ZMYND11: variants seen among roughly 807,000 people sequenced by gnomAD.
ZMYND11 encodes zinc finger MYND domain-containing protein 11.
Under a neutral mutation model 84.9 loss-of-function variants are expected in ZMYND11, and 9 were observed. That is an observed-to-expected ratio of 0.11 (90% confidence interval 0.06 to 0.18). The LOEUF (loss-of-function observed/expected upper bound fraction) is 0.18, where lower values mean the gene tolerates loss of function less well. Among genes scored for constraint, ZMYND11 ranks in the 10% least tolerant of loss-of-function variants. ZMYND11 has a pLI of 1.00. For missense variants in ZMYND11, 409 were observed against 761.0 expected (o/e 0.54, Z 5.44); for synonymous variants, 250 against 244.1 (o/e 1.02, Z -0.23).
intron 2 of ZMYND11, among the ~76,000 whole-genome samples, chr10:199,419 A>G (rs1184707061): frequency 6.6e-6 from 1 of 151,824 alleles, no homozygotes; most frequent in Non-Finnish European, 1.5e-5. Flanking sequence ...TATTATATAC[A>G]CTGTGAGCAT....
chr10:145,270 A>C (rs1208962253), intron 1 of ZMYND11, among the ~76,000 whole-genome samples: 1 of 151,358 alleles, frequency 6.6e-6, no homozygotes, highest in Non-Finnish European at 1.5e-5. Flanking sequence ...GTATATATAT[A>C]TCACTTTTTC....
intron 4 of ZMYND11, among the ~76,000 whole-genome samples, chr10:223,355 T>C (rs550730981): frequency 1.3e-4 from 20 of 152,282 alleles, no homozygotes; most frequent in African/African-American, 4.8e-4. Flanking sequence ...TCCTCTACTC[T>C]TTACTGAATG....
chr10:252,463 A>G lies in ZMYND11; in HGVS notation c.1802A>G (p.Lys601Arg), dbSNP rs1398227468. 6.2e-7 allele frequency: 1 copy of G among 1,611,360 alleles called. No individual in the cohort carries two copies. Among genetic ancestry groups the G allele is most frequent in the Non-Finnish European group, 8.5e-7 (1 of 1,179,880 alleles). ...GAGCACAAGCGCACCTGCCGCCGGA[A>G]AAGATGAAGCTGGCCCTTCCCGGAG... is the stretch of plus-strand genomic sequence containing the variant. Reference protein sequence around the residue: ...HAEHKRTCRRKR With the variant: ...HAEHKRTCRRRR The change falls in exon 15 of 15, where the codon AAA becomes AGA. Residue 601 changes from lysine (K) to arginine (R), a missense_variant. Coordinates refer to ENST00000381604, the MANE Select transcript of ZMYND11 (RefSeq NM_001370100.5). The surrounding 1 kb of genome is among the most constrained non-coding windows in gnomAD (Gnocchi z 4.6).
chr10:251,009 C>T (rs1039898707), intron 14 of ZMYND11, among the ~76,000 whole-genome samples: 1 of 152,152 alleles, frequency 6.6e-6, no homozygotes, highest in African/African-American at 2.4e-5. Context: ...GGCGACAGAG[C>T]GAGACTCACT....
chr10:222,623 C>T (rs907664216), intron 4 of ZMYND11, among the ~76,000 whole-genome samples: 3 of 151,580 alleles, frequency 2.0e-5, no homozygotes, highest in Admixed American at 6.6e-5. Context: ...TTGTGGATTT[C>T]GATTGTACAT....
At chr10:195,459 CAT>C (rs1941498236) in intron 2 of ZMYND11, among the ~76,000 whole-genome samples, 1 of 152,130 alleles carries the variant, frequency 6.6e-6, no homozygotes, top group South Asian at 2.1e-4. Flanking sequence ...AATGGATAGT[CAT>C]ATATTTCTAT....
At position 253,612 on chromosome 10, in the gene ZMYND11, A is replaced by G. The variant is rs1391952283; in HGVS notation, c.*1142A>G. The G allele has an allele frequency of 6.5e-6, 1 of 152,692 alleles. No individual in the cohort carries two copies. The highest frequency in any genetic ancestry group is 1.5e-5 in the Non-Finnish European group (1 of 68,044). The allele number at this position is 152,692 out of a possible 1,614,324, so 9.5% of individuals were successfully genotyped here. A position where few individuals can be genotyped will look rare whatever the true frequency, so the allele number is the denominator to read the frequency against. On this transcript the variant is annotated 3_prime_UTR_variant, in exon 15 of 15. Transcript: ENST00000381604. ...ATCGATAGTTGAATAATGATTTTTT[A>G]TACATAGATATATAAAATACAGCCA...
intron 4 of ZMYND11, 39 bp from the exon 5 acceptor site, chr10:236,799 C>T (rs1265582123): frequency 6.5e-7 from 1 of 1,535,590 alleles, no homozygotes; most frequent in Admixed American, 1.7e-5. Context: ...TAAGAATGAT[C>T]AGATTTTGTA....
intron 3 of ZMYND11, among the ~76,000 whole-genome samples, chr10:220,850 G>A (rs1478138054): frequency 6.6e-6 from 1 of 152,186 alleles, no homozygotes; most frequent in African/African-American, 2.4e-5. Context: ...CGAAGCTATA[G>A]GTTGGTTTGG....
intron 1 of ZMYND11, among the ~76,000 whole-genome samples, chr10:154,475 T>C (rs1473366660): frequency 1.3e-5 from 2 of 152,058 alleles, no homozygotes; most frequent in African/African-American, 2.4e-5. Flanking sequence ...AGTATGAGAA[T>C]TGAAACAAGA....
Position 248,378 on chromosome 10 carries a change from A to G in ZMYND11, c.1270A>G (p.Ile424Val), listed in dbSNP as rs755182533. 2.5e-6 allele frequency: 4 copies of G among 1,614,212 alleles called. No individual in the cohort carries two copies. The Admixed American group carries it at 6.7e-5, about 27-fold the overall frequency. ...ETEAVSSSQE[I>V]PTMPQPIEKV... ...AGAAGCAGTAAGTTCTAGCCAGGAA[A>G]TACCCACGATGCCTCAGCCCATCGA... is the stretch of plus-strand genomic sequence containing the variant. Residue 424 changes from isoleucine (I) to valine (V), a missense_variant, in exon 13 of 15, where the codon ATA (isoleucine) becomes GTA (valine). Around this residue, in one of 7 missense-constraint regions of ZMYND11, gnomAD observed 141 missense variants for 173.8 expected, o/e 0.81. Coordinates refer to ENST00000381604, the MANE Select transcript of ZMYND11 (RefSeq NM_001370100.5).
At chr10:198,071 T>G (rs1942240115) in intron 2 of ZMYND11, 2 of 485,954 alleles carry the variant, frequency 4.1e-6, no homozygotes, top group Non-Finnish European at 7.4e-6. Flanking sequence ...GTAAAAAGAT[T>G]CAAGCAAGCT....
intron 1 of ZMYND11, among the ~76,000 whole-genome samples, chr10:162,505 T>C (rs1843146013): frequency 6.6e-6 from 1 of 152,102 alleles, no homozygotes; most frequent in African/African-American, 2.4e-5. Flanking sequence ...AACAATGAGT[T>C]ATGCCTGTAT....
intron 4 of ZMYND11, among the ~76,000 whole-genome samples, chr10:226,391 C>T (rs1948138654): frequency 1.3e-5 from 2 of 148,938 alleles, no homozygotes; most frequent in Admixed American, 6.7e-5. Context: ...ATTTTTTTCC[C>T]CAAAATAATT....
At position 135,636 on chromosome 10, in the gene ZMYND11, C is replaced by G. The variant is rs1359011525; in HGVS notation, c.-20+77C>G. On this transcript the variant is annotated intron_variant, in intron 1 of 14. Transcript: ENST00000381604. This position sits in a 1 kb window ranked among gnomAD's most constrained non-coding sequence, Gnocchi z 5.6. ...GATGGCGCGGCCCGCGCGGTGGAGC[C>G]TGCCTGGCCGCGGCCTCTGGGGCGG... 2 of 149,974 alleles carry G rather than the reference C, an allele frequency of 1.3e-5. No homozygotes were observed. Among genetic ancestry groups the G allele is most frequent in the African/African-American group, 4.9e-5 (2 of 40,982 alleles). The allele number at this position is 149,974 out of a possible 1,614,324, so 9.3% of individuals were successfully genotyped here.
At chr10:149,829 C>T (rs1386150789) in intron 1 of ZMYND11, among the ~76,000 whole-genome samples, 1 of 152,138 alleles carries the variant, frequency 6.6e-6, no homozygotes, top group Non-Finnish European at 1.5e-5. Context: ...TATTTCAACA[C>T]TTCTTTCTCT....
chr10:146,961 T>A (rs1389385644), intron 1 of ZMYND11, among the ~76,000 whole-genome samples: 2 of 152,260 alleles, frequency 1.3e-5, no homozygotes, highest in African/African-American at 2.4e-5. Context: ...TGTGGAACTG[T>A]GAGTTCATTA....
chr10:143,908 G>T (rs1838063939), intron 1 of ZMYND11, among the ~76,000 whole-genome samples: 1 of 151,934 alleles, frequency 6.6e-6, no homozygotes, highest in Non-Finnish European at 1.5e-5. Flanking sequence ...GGAGGCCGAG[G>T]CGGGCAGATC....
chr10:223,674 GTTT>G (rs1947559311), intron 4 of ZMYND11, among the ~76,000 whole-genome samples: 1 of 152,028 alleles, frequency 6.6e-6, no homozygotes, highest in South Asian at 2.1e-4. Context: ...CCATTCTATT[GTTT>G]TATGGTATTC....
Sources: allele counts gnomAD v4.1 joint callset (sites outside exome capture counted in the v4.1 genomes callset), GRCh38; gene constraint gnomAD v4.1.1; regional missense constraint gnomAD v4.1.1; non-coding constraint Gnocchi (gnomAD v3.1); transcripts MANE v1.5; gene names NCBI Gene and HGNC (gene_info 2026-07-23, HGNC 2026-07-21).